Variants in NR2E1 observed in about 807,000 individuals in gnomAD.
The protein encoded by NR2E1 is nuclear receptor subfamily 2 group E member 1.
In NR2E1, 5 loss-of-function variants were observed where a neutral mutation model predicts 43.6. The ratio of observed to expected loss-of-function variants is 0.11; its 90% CI spans 0.06 to 0.24. The LOEUF is 0.24. Among genes scored for constraint, NR2E1 ranks in the 10% least tolerant of loss-of-function variants. The probability of loss-of-function intolerance (pLI) is 1.00; values close to 1 mark genes in which losing one functional copy is unlikely to be tolerated. For missense variants in NR2E1, 287 were observed against 496.7 expected (o/e 0.58, Z 4.01); for synonymous variants, 191 against 195.5 (o/e 0.98, Z 0.19).
intron 2 of NR2E1, 85 bp downstream of exon 2, chr6:108,171,688 C>A: frequency 1.9e-6 from 3 of 1,567,260 alleles, no homozygotes; most frequent in Non-Finnish European, 1.7e-6. Context: ...TCTGAGTTTC[C>A]ACGCAGTTGA....
chr6:108,181,043 T>G, intron 7 of NR2E1, 87 bp downstream of exon 7: 9 of 1,405,586 alleles, frequency 6.4e-6, no homozygotes, highest in Non-Finnish European at 8.1e-6. Flanking sequence ...AACTGACCTT[T>G]GCAAAAAGAG....
chr6:108,171,679 C>CT, intron 2 of NR2E1, 76 bp downstream of exon 2: 1 of 1,588,492 alleles, frequency 6.3e-7, no homozygotes, highest in South Asian at 1.1e-5. Context: ...AAGGCCTCCT[C>CT]TGAGTTTCCA....
Position 108,168,268 on chromosome 6 carries a change from C to T in NR2E1, c.25+1478C>T, listed in dbSNP as rs539926513. ...GCATTCTGAGCCTCCGTTGCAAAAA[C>T]TGAAGCCCGTGGGTCTCGGCAGGCC... On this transcript the variant is annotated intron_variant, in intron 1 of 8. Transcript: ENST00000368986. The T allele has an allele frequency of 8.2e-4, 1,011 of 1,227,578 alleles. 2 individuals carry two copies. The highest frequency in any genetic ancestry group is 1.1e-3 in the Non-Finnish European group (952 of 900,376). The allele number at this position is 1,227,578 out of a possible 1,614,324, so 76.0% of individuals were successfully genotyped here.
chr6:108,168,242 T>G, intron 1 of NR2E1: 1 of 1,416,590 alleles, frequency 7.1e-7, no homozygotes, highest in South Asian at 1.4e-5. Context: ...CCGTTTCTGT[T>G]GCATTCTGAG....
chr6:108,181,971 C>G (rs1773997701), intron 8 of NR2E1, among the ~76,000 whole-genome samples: 1 of 152,190 alleles, frequency 6.6e-6, no homozygotes, highest in South Asian at 2.1e-4. Context: ...GGCACAGTGG[C>G]TCACGCCTGT....
intron 8 of NR2E1, among the ~76,000 whole-genome samples, chr6:108,183,963 A>G (rs1269461890): frequency 6.6e-6 from 1 of 152,114 alleles, no homozygotes; most frequent in Non-Finnish European, 1.5e-5. Context: ...GAGTTCAAGG[A>G]GGGCGGATTA....
chr6:108,166,842 C>A lies in NR2E1; in HGVS notation c.25+52C>A, dbSNP rs1224010830. 4 of 1,555,306 alleles carry A rather than the reference C, an allele frequency of 2.6e-6. No individual in the cohort carries two copies. Among genetic ancestry groups the A allele is most frequent in the Admixed American group, 1.9e-5 (1 of 53,042 alleles). ...GCCTAGGCGCGCAGCCTGGGGCGAG[C>A]GAGCGGGGAGGCTGGGGGAGGTCCT... On this transcript the variant is annotated intron_variant, in intron 1 of 8. Coordinates refer to ENST00000368986, the MANE Select transcript of NR2E1 (RefSeq NM_003269.5). This position sits in a 1 kb window ranked among gnomAD's most constrained non-coding sequence, Gnocchi z 7.2.
chr6:108,180,974 C>T lies in NR2E1; in HGVS notation c.889+18C>T, dbSNP rs1554258597. 9 of 1,613,632 alleles carry T rather than the reference C, an allele frequency of 5.6e-6. No homozygotes were observed. In the South Asian group the frequency reaches 9.9e-5, roughly 18 times the overall value. On this transcript the variant is annotated intron_variant, in intron 7 of 8. Transcript: ENST00000368986. This position sits in a 1 kb window ranked among gnomAD's most constrained non-coding sequence, Gnocchi z 5.4. ...CAAAGCCGGTAAGCAGACACAGACCCCTGTTTCTTCTCCTTCCCCAGTTTT... is the reference window on the plus strand; with the variant it reads ...CAAAGCCGGTAAGCAGACACAGACCTCTGTTTCTTCTCCTTCCCCAGTTTT...
chr6:108,174,717 C>T, intron 2 of NR2E1, 119 bp from the exon 3 acceptor site: 1 of 786,708 alleles, frequency 1.3e-6, no homozygotes, highest in Non-Finnish European at 2.2e-6. Context: ...AGGCTCGGGG[C>T]TCCAGGGCCT....
intron 3 of NR2E1, chr6:108,176,186 G>C: frequency 2.5e-6 from 1 of 399,934 alleles, no homozygotes; most frequent in South Asian, 3.9e-5. Flanking sequence ...GTTTCCCTGC[G>C]AACCCCCTTC....
chr6:108,181,249 A>G (rs190782834), intron 7 of NR2E1, among the ~76,000 whole-genome samples: 204 of 152,020 alleles, frequency 1.3e-3, no homozygotes, highest in Non-Finnish European at 2.5e-3. Flanking sequence ...GCTGGAGTCC[A>G]ATGGCACCAT....
intron 1 of NR2E1, among the ~76,000 whole-genome samples, chr6:108,171,061 C>T (rs1181128817): frequency 6.6e-6 from 1 of 152,092 alleles, no homozygotes; most frequent in Non-Finnish European, 1.5e-5. Context: ...AGTTTGTCTC[C>T]TCGCGCGCTC....
chr6:108,186,410 C>A (rs890645788), intron 8 of NR2E1, among the ~76,000 whole-genome samples: 2 of 152,190 alleles, frequency 1.3e-5, no homozygotes, highest in Admixed American at 6.5e-5. Context: ...AACACAGCCA[C>A]CTGACTCCTT....
rs548554049 is a variant in NR2E1 at position 108,188,759 on chromosome 6, G to A, written c.*1296G>A. On this transcript the variant is annotated 3_prime_UTR_variant, in exon 9 of 9. Transcript: ENST00000368986. Reference sequence around the variant, plus strand: ...ATTAACTGATTTGTGAAGTTAAAAGGTTGTACTCATTGTATTTACAAAGAA... The same window carrying A: ...ATTAACTGATTTGTGAAGTTAAAAGATTGTACTCATTGTATTTACAAAGAA... The A allele has an allele frequency of 6.6e-6, 1 of 152,066 alleles. No individual in the cohort carries two copies. Among genetic ancestry groups the A allele is most frequent in the Non-Finnish European group, 1.5e-5 (1 of 68,022 alleles). The allele number at this position is 152,066 out of a possible 1,614,324, so 9.4% of individuals were successfully genotyped here. A position where few individuals can be genotyped will look rare whatever the true frequency, so the allele number is the denominator to read the frequency against.
At chr6:108,167,400 C>T (rs1582439325) in intron 1 of NR2E1, among the ~76,000 whole-genome samples, 1 of 152,156 alleles carries the variant, frequency 6.6e-6, no homozygotes, top group East Asian at 1.9e-4. Flanking sequence ...CGAGCCGGAG[C>T]CCAGCAGAGG....
chr6:108,186,433 G>A (rs1774076457), intron 8 of NR2E1, among the ~76,000 whole-genome samples: 1 of 152,210 alleles, frequency 6.6e-6, no homozygotes, highest in South Asian at 2.1e-4. Context: ...AAGGAATTTT[G>A]ATATCCCTTA....
rs188468337 is a variant in NR2E1 at position 108,171,324 on chromosome 6, G to A, written c.26-134G>A. 2.5e-5 allele frequency: 24 copies of A among 968,198 alleles called. No homozygotes were observed. The African/African-American group carries it at 3.7e-4, about 15-fold the overall frequency. 60.0% of individuals were successfully genotyped at this position (968,198 alleles called of 1,614,324 possible). A position where few individuals can be genotyped will look rare whatever the true frequency, so the allele number is the denominator to read the frequency against. On this transcript the variant is annotated intron_variant, in intron 1 of 8. Transcript: ENST00000368986. ...AATCACTTCATTATTTGCTTTTACCGCAGCTTCGGTGCTAATCCCTTCAGA... is the reference window on the plus strand; with the variant it reads ...AATCACTTCATTATTTGCTTTTACCACAGCTTCGGTGCTAATCCCTTCAGA...
chr6:108,176,403 G>T (rs766445753), intron 3 of NR2E1, 100 bp from the exon 4 acceptor site: 8 of 1,244,790 alleles, frequency 6.4e-6, no homozygotes, highest in African/African-American at 1.5e-5. Context: ...GATTTTGCCC[G>T]CCCAGACTTG....
chr6:108,185,738 T>C (rs1212228985), intron 8 of NR2E1, among the ~76,000 whole-genome samples: 1 of 152,224 alleles, frequency 6.6e-6, no homozygotes, highest in African/African-American at 2.4e-5. Context: ...CTATATGTAA[T>C]AGACAATTAA....
Sources: gnomAD v4.1 joint callset for allele counts (sites outside exome capture counted in the v4.1 genomes callset) on GRCh38, gnomAD v4.1.1 for gene constraint, Gnocchi (gnomAD v3.1) non-coding constraint, MANE v1.5 for transcripts, NCBI Gene and HGNC (gene_info 2026-07-23, HGNC 2026-07-21) for gene names.